The following DNAH12 variants were observed in gnomAD, a reference collection of about 807,000 sequenced individuals.
DNAH12 encodes the protein dynein axonemal heavy chain 12.
Under a neutral mutation model 371.5 loss-of-function variants are expected in DNAH12, and 285 were observed. That is an observed-to-expected ratio of 0.77 (90% CI 0.70 to 0.85). The LOEUF (loss-of-function observed/expected upper bound fraction) is 0.85. Among genes scored for constraint, DNAH12 ranks in the 40% least tolerant of loss-of-function variants. The probability of loss-of-function intolerance (pLI) is 0.00; values close to 1 mark genes in which losing one functional copy is unlikely to be tolerated. For missense variants in DNAH12, 3,611 were observed against 3,689.4 expected, an observed-to-expected ratio of 0.98 and a Z score of 0.55; for synonymous variants, 1,200 against 1,213.0, an observed-to-expected ratio of 0.99 and a Z score of 0.22.
At chr3:57,484,618 C>T (rs2066864703) in intron 12 of DNAH12, among the ~76,000 whole-genome samples, 1 of 152,052 alleles carries the variant, frequency 6.6e-6, no homozygotes, top group Admixed American at 6.6e-5. Context: ...AGCTTCTGGA[C>T]ATTGGCTTAG....
chr3:57,317,318 A>T (rs529564963), intron 65 of DNAH12, among the ~76,000 whole-genome samples: 1 of 152,260 alleles, frequency 6.6e-6, no homozygotes, highest in Non-Finnish European at 1.5e-5. Context: ...TGTACAGCTA[A>T]TCTCCAGAAT....
chr3:57,495,023 T>C (rs1020739610), intron 11 of DNAH12, among the ~76,000 whole-genome samples: 1 of 151,794 alleles, frequency 6.6e-6, no homozygotes, highest in Non-Finnish European at 1.5e-5. Flanking sequence ...AAAAAAATGT[T>C]ACTAGAGATA....
At chr3:57,519,774 T>C (rs1288142027) in intron 4 of DNAH12, 1 of 1,582,234 alleles carries the variant, frequency 6.3e-7, no homozygotes, top group Non-Finnish European at 8.7e-7. Context: ...AATGATTACA[T>C]TCTCCCAAGA....
At chr3:57,380,722 C>G (rs2063372407) in intron 50 of DNAH12, among the ~76,000 whole-genome samples, 1 of 152,186 alleles carries the variant, frequency 6.6e-6, no homozygotes, top group African/African-American at 2.4e-5. Context: ...GCCTCAGCCT[C>G]CCAAAGTGCT....
In DNAH12 at chr3:57,483,523, C is replaced by G; in HGVS notation, c.1515-12G>C. The G allele has an allele frequency of 6.5e-7, 1 of 1,543,500 alleles. No individual in the cohort carries two copies. Among genetic ancestry groups the G allele is most frequent in the South Asian group, 1.2e-5 (1 of 82,332 alleles). ...ATTCACTGCAAATACTGACATAATACTCTGCTTTAATAGACTTATGGCAAT... is the reference window on the plus strand; with the variant it reads ...ATTCACTGCAAATACTGACATAATAGTCTGCTTTAATAGACTTATGGCAAT... On this transcript the variant is annotated splice_polypyrimidine_tract_variant and intron_variant, in intron 12 of 73. Coordinates refer to ENST00000495027, the MANE Select transcript of DNAH12 (RefSeq NM_001366028.2).
chr3:57,428,868 G>A (rs1466424437), intron 33 of DNAH12, 47 bp from the exon 34 acceptor site: 10 of 1,457,196 alleles, frequency 6.9e-6, no homozygotes, highest in Non-Finnish European at 8.2e-6. Context: ...TATACCAGTG[G>A]CACCTGGCAA....
chr3:57,422,820 T>A (rs993126504), intron 35 of DNAH12, among the ~76,000 whole-genome samples: 1 of 152,194 alleles, frequency 6.6e-6, no homozygotes, highest in Non-Finnish European at 1.5e-5. Context: ...AAATTGTTCT[T>A]CAGAAATGGT....
At chr3:57,409,879 G>C (rs1217987294) in intron 39 of DNAH12, among the ~76,000 whole-genome samples, 1 of 152,134 alleles carries the variant, frequency 6.6e-6, no homozygotes, top group Non-Finnish European at 1.5e-5. Context: ...AAATTGGTGT[G>C]GGGAGAATGG....
intron 66 of DNAH12, among the ~76,000 whole-genome samples, chr3:57,311,666 G>A (rs1247798585): frequency 6.6e-6 from 1 of 152,162 alleles, no homozygotes; most frequent in Non-Finnish European, 1.5e-5. Flanking sequence ...GCTGCTGCTA[G>A]ACAATACACA....
intron 25 of DNAH12, among the ~76,000 whole-genome samples, chr3:57,448,983 G>A (rs1416046093): frequency 8.3e-6 from 1 of 119,892 alleles, no homozygotes; most frequent in African/African-American, 3.4e-5. Flanking sequence ...CCCCACCAGA[G>A]CAGCTAGATA....
chr3:57,539,222 T>A (rs150460055), intron 2 of DNAH12, among the ~76,000 whole-genome samples: 1 of 152,326 alleles, frequency 6.6e-6, no homozygotes, highest in East Asian at 1.9e-4. Flanking sequence ...TAAATGTAAA[T>A]CAGGTTTCAT....
chr3:57,548,338 C>T (rs1235540478), upstream of DNAH12, among the ~76,000 whole-genome samples: 3 of 152,030 alleles, frequency 2.0e-5, no homozygotes, highest in East Asian at 1.9e-4. Context: ...AGTTTGAGGC[C>T]GAAAAGACTT....
At chr3:57,402,572 A>T in intron 43 of DNAH12, 1 of 637,156 alleles carries the variant, frequency 1.6e-6, no homozygotes, top group Non-Finnish European at 2.3e-6. Flanking sequence ...AGTCAGTGGC[A>T]CAAGCCAGGT....
At chr3:57,315,788 G>C (rs1432124941) in intron 65 of DNAH12, among the ~76,000 whole-genome samples, 1 of 152,194 alleles carries the variant, frequency 6.6e-6, no homozygotes, top group Non-Finnish European at 1.5e-5. Flanking sequence ...AGTGGTCTCT[G>C]AATAGTTGAA....
At chr3:57,517,643 A>G (rs74284338) in intron 4 of DNAH12, among the ~76,000 whole-genome samples, 6,950 of 152,260 alleles carry the variant, frequency 0.046, 216 homozygotes, top group South Asian at 0.099. Flanking sequence ...CCTTTCTAAA[A>G]CCATTTCATC....
chr3:57,489,810 C>A, intron 11 of DNAH12, 123 bp from the exon 12 acceptor site: 1 of 1,052,202 alleles, frequency 9.5e-7, no homozygotes, highest in Non-Finnish European at 1.3e-6. Flanking sequence ...TGCTAAGTGA[C>A]TAAAATTTTT....
intron 14 of DNAH12, among the ~76,000 whole-genome samples, chr3:57,472,091 G>A (rs1003283971): frequency 2.0e-5 from 3 of 152,052 alleles, no homozygotes; most frequent in African/African-American, 4.8e-5. Flanking sequence ...CCCAATTCAG[G>A]TTAAACTGAT....
intron 59 of DNAH12, among the ~76,000 whole-genome samples, 166 bp from the exon 60 acceptor site, chr3:57,352,391 T>C (rs1441424695): frequency 2.6e-5 from 4 of 152,058 alleles, no homozygotes; most frequent in Non-Finnish European, 4.4e-5. Context: ...ATAAGCTCTA[T>C]GGGTTGTAGC....
intron 60 of DNAH12, 39 bp from the exon 61 acceptor site, chr3:57,334,979 T>C: frequency 6.6e-7 from 1 of 1,515,136 alleles, no homozygotes; most frequent in Middle Eastern, 1.7e-4. Flanking sequence ...TAATTGTTGA[T>C]TTTAAAATTG....
Sources: allele counts gnomAD v4.1 joint callset (sites outside exome capture counted in the v4.1 genomes callset), GRCh38; gene constraint gnomAD v4.1.1; transcripts MANE v1.5; gene names NCBI Gene and HGNC (gene_info 2026-07-23, HGNC 2026-07-21).